TBC1D20: variants seen among roughly 807,000 people sequenced by gnomAD.
TBC1D20 encodes chromosome 20 open reading frame 140.
In TBC1D20, 12 loss-of-function variants were observed where a neutral mutation model predicts 41.6. The observed-to-expected ratio is 0.29, with a 90% CI of 0.18 to 0.47. TBC1D20 has a LOEUF of 0.47. Ranked by LOEUF, TBC1D20 falls within the 20% of genes least tolerant of loss-of-function variation. The pLI is 1.00. For missense variants in TBC1D20, 421 were observed against 517.4 expected (o/e 0.81, Z 1.81); for synonymous variants, 205 against 204.8 (o/e 1.00, Z -0.01).
At chr20:450,346 A>G (rs1037374421) in intron 1 of TBC1D20, among the ~76,000 whole-genome samples, 1 of 150,640 alleles carries the variant, frequency 6.6e-6, no homozygotes, top group Non-Finnish European at 1.5e-5. Context: ...GGGTTTCACC[A>G]TGTTGGCCAG....
chr20:451,224 T>A (rs1214951675), intron 1 of TBC1D20, among the ~76,000 whole-genome samples: 1 of 152,138 alleles, frequency 6.6e-6, no homozygotes, highest in African/African-American at 2.4e-5. Flanking sequence ...TTAATGAACA[T>A]CCTTGCAGTG....
At chr20:450,425 C>T (rs899763501) in intron 1 of TBC1D20, among the ~76,000 whole-genome samples, 4 of 151,880 alleles carry the variant, frequency 2.6e-5, no homozygotes, top group Non-Finnish European at 5.9e-5. Flanking sequence ...AGATTACAAG[C>T]GTGAGCCACC....
In TBC1D20 at chr20:436,993, G is replaced by C. The variant is rs374994411; in HGVS notation, c.*1593C>G. On this transcript the variant is annotated 3_prime_UTR_variant, in exon 8 of 8. Transcript: ENST00000354200. ...TCAGGCGTGGTAGCAGGTGCCTGTA[G>C]TCCCAGCTACTCGGGAGGCTGAGGC... 2 of 152,118 alleles carry C rather than the reference G, an allele frequency of 1.3e-5. No homozygotes were observed. Among genetic ancestry groups the C allele is most frequent in the African/African-American group, 2.4e-5 (1 of 41,402 alleles). The allele number at this position is 152,118 out of a possible 1,614,324, so 9.4% of individuals were successfully genotyped here. A position where few individuals can be genotyped will look rare whatever the true frequency, so the allele number is the denominator to read the frequency against.
At chr20:444,572 T>C (rs1037983351) in intron 3 of TBC1D20, among the ~76,000 whole-genome samples, 1 of 152,166 alleles carries the variant, frequency 6.6e-6, no homozygotes, top group African/African-American at 2.4e-5. Context: ...GTTTTGTTTT[T>C]ATTTATTTAT....
At position 458,863 on chromosome 20, in the gene TBC1D20, C is replaced by G. The variant is rs904521653; in HGVS notation, c.70+3473G>C. Among the ~76,000 whole-genome samples the G allele has an allele frequency of 3.3e-5, 5 of 152,100 alleles. No individual in the cohort carries two copies. In the South Asian group the frequency reaches 1.0e-3, roughly 31 times the overall value. ...CTGTTTCTAACACTACCGGTGTTTC[C>G]CAGAGGAGGATGCTGTCCCAACGTG... On this transcript the variant is annotated intron_variant, in intron 1 of 7. Coordinates refer to ENST00000354200, the MANE Select transcript of TBC1D20 (RefSeq NM_144628.4).
At position 445,126 on chromosome 20, in the gene TBC1D20, C is replaced by T; in HGVS notation, c.261G>A (p.Lys87=). ...AGTCCTTGCTCATCTGCCGTAGGTT[C>T]TTCCCTATTGAAGGAAAAGGCACGT... ...NANDPPPISG[K]NLRQMSKDYQ... Residue 87 remains lysine (K), a synonymous_variant, in exon 3 of 8, where the codon AAG becomes AAA. Coordinates refer to ENST00000354200, the MANE Select transcript of TBC1D20 (RefSeq NM_144628.4). 1 of 1,594,098 alleles carries T rather than the reference C, an allele frequency of 6.3e-7. No individual in the cohort carries two copies. The highest frequency in any genetic ancestry group is 8.6e-7 in the Non-Finnish European group (1 of 1,167,416).
At chr20:446,618 G>C (rs924928395) in intron 2 of TBC1D20, among the ~76,000 whole-genome samples, 1 of 152,122 alleles carries the variant, frequency 6.6e-6, no homozygotes, top group Non-Finnish European at 1.5e-5. Context: ...TAGGATTACA[G>C]GCGTGAGCCA....
intron 3 of TBC1D20, 82 bp downstream of exon 3, chr20:444,968 G>T: frequency 2.4e-6 from 3 of 1,272,564 alleles, no homozygotes; most frequent in Non-Finnish European, 2.2e-6. Flanking sequence ...GAGGCGGCAG[G>T]GTCCAGCATA....
At position 440,586 on chromosome 20, in the gene TBC1D20, A is replaced by G. The variant is rs2017209059; in HGVS notation, c.627-197T>C. On this transcript the variant is annotated intron_variant, in intron 5 of 7. Coordinates refer to ENST00000354200, the MANE Select transcript of TBC1D20 (RefSeq NM_144628.4). ...GGTGTACCACAACACTAACACCACA[A>G]CAGGGTCCTGGCTGCTTTATCTCAC... The G allele has an allele frequency of 4.7e-6, 3 of 634,632 alleles. No individual in the cohort carries two copies. In the Admixed American group the frequency reaches 1.0e-4, roughly 22 times the overall value. 39.3% of individuals were successfully genotyped at this position (634,632 alleles called of 1,614,324 possible).
chr20:452,254 C>A (rs943330181), intron 1 of TBC1D20, among the ~76,000 whole-genome samples: 2 of 152,138 alleles, frequency 1.3e-5, no homozygotes. Flanking sequence ...CTGGAGTGAG[C>A]CAAGATCGCA....
At chr20:441,376 G>T (rs2017226302) in intron 5 of TBC1D20, 4 of 556,270 alleles carry the variant, frequency 7.2e-6, no homozygotes, top group Non-Finnish European at 1.3e-5. Flanking sequence ...GTAAACTCAA[G>T]GGATGGGCTA....
intron 7 of TBC1D20, 28 bp from the exon 8 acceptor site, chr20:438,869 A>C: frequency 6.2e-7 from 1 of 1,608,510 alleles, no homozygotes; most frequent in Non-Finnish European, 8.5e-7. Flanking sequence ...GGAAGGAAGG[A>C]AGTGGTATGA....
intron 1 of TBC1D20, among the ~76,000 whole-genome samples, chr20:456,134 G>A (rs1449389076): frequency 6.6e-6 from 1 of 151,878 alleles, no homozygotes; most frequent in Admixed American, 6.6e-5. Flanking sequence ...ATAGGTGGGC[G>A]TGACGGCGTG....
At chr20:457,870 T>C (rs1243380571) in intron 1 of TBC1D20, among the ~76,000 whole-genome samples, 1 of 152,212 alleles carries the variant, frequency 6.6e-6, no homozygotes, top group African/African-American at 2.4e-5. Context: ...CAGAGAAGCC[T>C]TTTTATATAA....
chr20:439,454 T>C lies in TBC1D20; in HGVS notation c.769-159A>G, dbSNP rs6037649. The stretch of plus-strand genomic sequence containing the variant: ...TGTATCCATCAAGGAAGTAATAACA[T>C]ATATACGCTCAGTGCTACTCCTACT... On this transcript the variant is annotated intron_variant, in intron 6 of 7. Transcript: ENST00000354200. The surrounding 1 kb of genome is among the most constrained non-coding windows in gnomAD (Gnocchi z 4.6). 0.037 allele frequency among the ~76,000 whole-genome samples: 5,626 copies of C among 152,234 alleles called. 288 individuals are homozygous for C. The highest frequency in any genetic ancestry group is 0.11 in the African/African-American group (4,635 of 41,518).
rs1183023514 is a variant in TBC1D20, at chr20:441,631, TG to T, written c.582del (p.Ile195SerfsTer5). 2 of 1,614,074 alleles carry T rather than the reference TG, an allele frequency of 1.2e-6. No individual in the cohort carries two copies. Among genetic ancestry groups the T allele is most frequent in the Non-Finnish European group, 1.7e-6 (2 of 1,180,044 alleles). The part of the protein sequence containing the change: ...NTKHILNYLM[P>X]IIDQVNPELH... ...AGCTCTGGATTCACCTGGTCAATGA[TG>T]GGCATCAGATAGTTTAATATATGCT... On this transcript the variant is annotated frameshift_variant, in exon 5 of 8. Transcript: ENST00000354200. LOFTEE classifies it high-confidence loss of function.
Position 438,810 on chromosome 20 carries a change from G to A in TBC1D20, c.988C>T (p.Leu330=). 1 of 1,614,084 alleles carries A rather than the reference G, an allele frequency of 6.2e-7. No homozygotes were observed. The highest frequency in any genetic ancestry group is 8.5e-7 in the Non-Finnish European group (1 of 1,179,924). ...TAASTFKDFE[L]ASAQQRPDMV... ...TCAGGCCTCTGCTGGGCTGATGCCA[G>A]CTCAAAGTCTTTGAAAGTAGAGGCT... is the stretch of plus-strand genomic sequence containing the variant. Residue 330 remains leucine, a synonymous_variant, in exon 8 of 8, where the codon CTG becomes TTG. Transcript: ENST00000354200.
chr20:460,259 C>A (rs2017606553), intron 1 of TBC1D20, among the ~76,000 whole-genome samples: 1 of 151,982 alleles, frequency 6.6e-6, no homozygotes, highest in South Asian at 2.1e-4. Context: ...CCTACACCCA[C>A]CCACAACTAC....
chr20:439,442 G>A lies in TBC1D20; in HGVS notation c.769-147C>T. 2 of 616,260 alleles carry A rather than the reference G, an allele frequency of 3.2e-6. No homozygotes were observed. Among genetic ancestry groups the A allele is most frequent in the Non-Finnish European group, 5.7e-6 (2 of 351,546 alleles). 38.2% of individuals were successfully genotyped at this position (616,260 alleles called of 1,614,324 possible). ...TGAGCAAACTCTTGTATCCATCAAG[G>A]AAGTAATAACATATATACGCTCAGT... On this transcript the variant is annotated intron_variant, in intron 6 of 7. Transcript: ENST00000354200. The surrounding 1 kb of genome is among the most constrained non-coding windows in gnomAD (Gnocchi z 4.6).
Sources: gnomAD v4.1 joint callset for allele counts (sites outside exome capture counted in the v4.1 genomes callset) on GRCh38, gnomAD v4.1.1 for gene constraint, Gnocchi (gnomAD v3.1) non-coding constraint, MANE v1.5 for transcripts, NCBI Gene and HGNC (gene_info 2026-07-23, HGNC 2026-07-21) for gene names.